SH3GLB1: variants seen among roughly 807,000 people sequenced by gnomAD.
The protein encoded by SH3GLB1 is endophilin-B1.
A neutral mutation model predicts 42.0 loss-of-function variants in SH3GLB1; 17 were observed. The observed-to-expected ratio is 0.40, with a 90% CI of 0.28 to 0.61. The LOEUF is 0.61. SH3GLB1 is among the 20% of genes least tolerant of loss of function. SH3GLB1 has a pLI of 0.36. For synonymous variants in SH3GLB1, 132 were observed against 146.6 expected, an observed-to-expected ratio of 0.90 and a Z score of 0.72; for missense variants, 355 against 426.3, an observed-to-expected ratio of 0.83 and a Z score of 1.47.
At chr1:86,713,361 C>T (rs564508290) in intron 1 of SH3GLB1, among the ~76,000 whole-genome samples, 3 of 152,068 alleles carry the variant, frequency 2.0e-5, no homozygotes, top group Admixed American at 1.3e-4. Flanking sequence ...ACATTACAGG[C>T]GGGGGCCCCT....
At chr1:86,705,763 A>G (rs1653826013) in intron 1 of SH3GLB1, among the ~76,000 whole-genome samples, 1 of 152,230 alleles carries the variant, frequency 6.6e-6, no homozygotes, top group Admixed American at 6.5e-5. Context: ...CACAGTCATC[A>G]CCCATGTTAT....
intron 5 of SH3GLB1, 72 bp from the exon 6 acceptor site, chr1:86,734,530 C>A: frequency 9.5e-7 from 1 of 1,052,904 alleles, no homozygotes; most frequent in Non-Finnish European, 1.4e-6. Flanking sequence ...TTTTTTTTAA[C>A]CATCTAAAAT....
In SH3GLB1 at chr1:86,716,258, TTTTGTTTG is replaced by T. The variant is rs534830553; in HGVS notation, c.214+417_214+424del. Among the ~76,000 whole-genome samples, 1,126 of 123,600 alleles carry T rather than the reference TTTTGTTTG, an allele frequency of 9.1e-3. 9 individuals carry two copies. The highest frequency in any genetic ancestry group is 8.7e-3 in the Non-Finnish European group (526 of 60,402). 81.1% of individuals were successfully genotyped at this position (123,600 alleles called of 152,430 possible). A position where few individuals can be genotyped will look rare whatever the true frequency, so the allele number is the denominator to read the frequency against. The stretch of plus-strand genomic sequence containing the variant: ...TTATGTTTAAGTTTTTGGTGTGTTT[TTTTGTTTG>T]TTTGTTTGTTTGTTTGTTTGTTTTT... On this transcript the variant is annotated intron_variant, in intron 2 of 8. Transcript: ENST00000370558.
At chr1:86,733,084 A>G (rs911601614) in intron 5 of SH3GLB1, among the ~76,000 whole-genome samples, 5 of 152,130 alleles carry the variant, frequency 3.3e-5, no homozygotes, top group Non-Finnish European at 7.4e-5. Flanking sequence ...TAGGAAGAAC[A>G]TTGCTTCTTT....
chr1:86,729,610 A>G (rs1417916676), intron 5 of SH3GLB1, among the ~76,000 whole-genome samples: 1 of 152,138 alleles, frequency 6.6e-6, no homozygotes, highest in Non-Finnish European at 1.5e-5. Context: ...TGTGTTTACT[A>G]TTAATGTAAT....
intron 7 of SH3GLB1, 85 bp downstream of exon 7, chr1:86,735,264 T>A: frequency 1.2e-6 from 1 of 830,826 alleles, no homozygotes; most frequent in Non-Finnish European, 2.0e-6. Flanking sequence ...TTAGAGCAAT[T>A]AAAGGTTCTT....
intron 5 of SH3GLB1, among the ~76,000 whole-genome samples, chr1:86,732,763 T>C (rs1256774183): frequency 6.6e-6 from 1 of 152,166 alleles, no homozygotes; most frequent in Admixed American, 6.6e-5. Context: ...CATTAAAATA[T>C]TATTTCTACT....
rs1338775943 is a variant in SH3GLB1, at chr1:86,742,314, C to A, written c.868C>A (p.Leu290Ile). The A allele has an allele frequency of 1.2e-6, 2 of 1,614,096 alleles. No individual in the cohort carries two copies. The highest frequency in any genetic ancestry group is 1.7e-6 in the Non-Finnish European group (2 of 1,180,004). Residue 290 changes from leucine to isoleucine, a missense_variant, in exon 8 of 9, where the codon CTA (leucine) becomes ATA (isoleucine). Physicochemically the swap from Leu to Ile is conservative, Grantham distance 5. Transcript: ENST00000370558. ...GSSAMASTSGLVITSPSNLSD... is the reference protein window; with the variant it reads ...GSSAMASTSGIVITSPSNLSD... Reference sequence around the variant, plus strand: ...TTCTGCCATGGCTTCAACAAGTGGCCTAGTAATCACCTCTCCTTCCAACCT... The same window carrying A: ...TTCTGCCATGGCTTCAACAAGTGGCATAGTAATCACCTCTCCTTCCAACCT...
intron 5 of SH3GLB1, chr1:86,728,370 A>G (rs1291091055): frequency 6.8e-6 from 8 of 1,171,706 alleles, no homozygotes; most frequent in African/African-American, 1.5e-5. Context: ...TCATTGGTAT[A>G]ATGTGTTCTT....
intron 8 of SH3GLB1, among the ~76,000 whole-genome samples, chr1:86,742,643 G>A (rs75406790): frequency 0.018 from 2,780 of 152,216 alleles, 42 homozygotes; most frequent in African/African-American, 0.029. Context: ...ACTTGAAGAT[G>A]TATAAAACTC....
At chr1:86,729,619 A>C (rs1487078506) in intron 5 of SH3GLB1, among the ~76,000 whole-genome samples, 14 of 152,112 alleles carry the variant, frequency 9.2e-5, no homozygotes, top group Admixed American at 9.2e-4. Flanking sequence ...TATTAATGTA[A>C]TCTTATAGTA....
intron 1 of SH3GLB1, among the ~76,000 whole-genome samples, chr1:86,707,553 C>T (rs1653940649): frequency 6.6e-6 from 1 of 151,558 alleles, no homozygotes; most frequent in Non-Finnish European, 1.5e-5. Flanking sequence ...GAGAAACAGA[C>T]TTCTTTAATG....
intron 5 of SH3GLB1, chr1:86,728,532 C>T (rs1655328186): frequency 1.7e-6 from 2 of 1,188,206 alleles, no homozygotes; most frequent in Non-Finnish European, 1.2e-6. Flanking sequence ...AATAAAGTGC[C>T]TTCTCTTGCT....
At position 86,714,971 on chromosome 1, in the gene SH3GLB1, C is replaced by T. The variant is rs542992775; in HGVS notation, c.73-753C>T. 1.2e-3 allele frequency among the ~76,000 whole-genome samples: 177 copies of T among 152,222 alleles called. 1 individual carries two copies. The highest frequency in any genetic ancestry group is 4.1e-3 in the African/African-American group (171 of 41,530). On this transcript the variant is annotated intron_variant, in intron 1 of 8. Transcript: ENST00000370558. Reference sequence around the variant, plus strand: ...ATAATAAAAATTGATTCATTGAGTACGTTTAACCACATTTTATGACCTTTA... The same window carrying T: ...ATAATAAAAATTGATTCATTGAGTATGTTTAACCACATTTTATGACCTTTA...
intron 5 of SH3GLB1, chr1:86,734,286 A>G (rs967281793): frequency 5.6e-6 from 1 of 179,372 alleles, no homozygotes; most frequent in Non-Finnish European, 1.2e-5. Flanking sequence ...ATTTAGCAAA[A>G]TTGATACTAG....
At chr1:86,724,513 T>A in intron 5 of SH3GLB1, 108 bp downstream of exon 5, 1 of 876,008 alleles carries the variant, frequency 1.1e-6, no homozygotes, top group Non-Finnish European at 1.7e-6. Context: ...CTTGTTTTTG[T>A]GCTTTCTAAA....
chr1:86,748,120 T>C lies in SH3GLB1; in HGVS notation c.*4885T>C, dbSNP rs1361788940. 1 of 151,438 alleles carries C rather than the reference T, an allele frequency of 6.6e-6. No homozygotes were observed. The highest frequency in any genetic ancestry group is 1.5e-5 in the Non-Finnish European group (1 of 68,026). 9.4% of individuals were successfully genotyped at this position (151,438 alleles called of 1,614,324 possible). A position where few individuals can be genotyped will look rare whatever the true frequency, so the allele number is the denominator to read the frequency against. ...ATGATATTCCATCATATGTGCCACA[T>C]TTTATTAAACTACTGTTCAATTTTT... On this transcript the variant is annotated 3_prime_UTR_variant, in exon 9 of 9. Coordinates refer to ENST00000370558, the MANE Select transcript of SH3GLB1 (RefSeq NM_016009.5).
In SH3GLB1 at chr1:86,712,744, A is replaced by G. The variant is rs542638698; in HGVS notation, c.73-2980A>G. Among the ~76,000 whole-genome samples, 11 of 151,220 alleles carry G rather than the reference A, an allele frequency of 7.3e-5. 2 individuals are homozygous for G. The South Asian group carries it at 1.9e-3, about 26-fold the overall frequency. ...TCACTCATGTGTAAGGGTTCCATGT[A>G]TCTTCTGAACTAAAATAGTTAAAAA... On this transcript the variant is annotated intron_variant, in intron 1 of 8. Coordinates refer to ENST00000370558, the MANE Select transcript of SH3GLB1 (RefSeq NM_016009.5).
Position 86,743,198 on chromosome 1 carries a change from G to A in SH3GLB1, c.1061G>A (p.Gly354Asp), listed in dbSNP as rs1346443340. ...ATGGGGGAAAGGGGAAACCAGAAGG[G>A]CAAGGTGCCAATTACCTACTTAGAA... ...WLMGERGNQK[G>D]KVPITYLELL... The change falls in exon 9 of 9, where the codon GGC (glycine) becomes GAC (aspartate). Residue 354 changes from glycine (G) to aspartate (D), a missense_variant. Transcript: ENST00000370558. 6.2e-7 allele frequency: 1 copy of A among 1,613,486 alleles called. No homozygotes were observed. Among genetic ancestry groups the A allele is most frequent in the African/African-American group, 1.3e-5 (1 of 74,974 alleles).
Sources: gnomAD v4.1 joint callset for allele counts (sites outside exome capture counted in the v4.1 genomes callset) on GRCh38, gnomAD v4.1.1 for gene constraint, MANE v1.5 for transcripts, NCBI Gene and HGNC (gene_info 2026-07-23, HGNC 2026-07-21) for gene names.